DNMT1: variants seen among roughly 807,000 people sequenced by gnomAD.
The protein encoded by DNMT1 is DNA (cytosine-5)-methyltransferase 1.
Under a neutral mutation model 205.3 loss-of-function variants are expected in DNMT1, and 24 were observed. That is an observed-to-expected ratio of 0.12 (90% CI 0.08 to 0.16). The LOEUF (loss-of-function observed/expected upper bound fraction) is 0.16. DNMT1 is among the 10% of genes least tolerant of loss of function. DNMT1 has a pLI of 1.00. For synonymous variants in DNMT1, 817 were observed against 839.8 expected (o/e 0.97, Z 0.47); for missense variants, 1,293 against 2,177.7 (o/e 0.59, Z 8.09).
chr19:10,148,707 G>A (rs2038260906), intron 27 of DNMT1, among the ~76,000 whole-genome samples, 177 bp downstream of exon 27: 1 of 152,038 alleles, frequency 6.6e-6, no homozygotes, highest in Non-Finnish European at 1.5e-5. Context: ...CACACTTAAA[G>A]CAACTCCAGG....
rs1599347635 is a variant in DNMT1 at position 10,140,845 on chromosome 19, G to A, written c.3459C>T (p.Pro1153=). ...PSEPEIEIKL[P]KLRTLDVFSG... ...AAAACACATCCAGGGTCCGCAGCTT[G>A]GGCAGCTTGATCTCTATCTCTGGCT... The change falls in exon 32 of 41, where the codon CCC becomes CCT. Residue 1153 remains proline, a synonymous_variant. Coordinates refer to ENST00000359526, the MANE Select transcript of DNMT1 (RefSeq NM_001130823.3). This position sits in a 1 kb window ranked among gnomAD's most constrained non-coding sequence, Gnocchi z 8.4. 2 of 1,614,074 alleles carry A rather than the reference G, an allele frequency of 1.2e-6. No individual in the cohort carries two copies. Among genetic ancestry groups the A allele is most frequent in the Admixed American group, 1.7e-5 (1 of 60,004 alleles).
chr19:10,178,029 C>T (rs1488385580), intron 5 of DNMT1, among the ~76,000 whole-genome samples: 3 of 150,402 alleles, frequency 2.0e-5, no homozygotes, highest in Non-Finnish European at 4.4e-5. Flanking sequence ...GGAGGCAAGA[C>T]GGGCAGATCA....
At position 10,142,043 on chromosome 19, in the gene DNMT1, G is replaced by C. The variant is rs775786809; in HGVS notation, c.3294C>G (p.Arg1098=). The C allele has an allele frequency of 6.2e-7, 1 of 1,612,382 alleles. No homozygotes were observed. The highest frequency in any genetic ancestry group is 8.5e-7 in the Non-Finnish European group (1 of 1,178,768). ...GGGGCACCACCTCGAGGAAGTAGAA[G>C]CGGTTGGGGCCGCCCATGGAGTACA... is the stretch of plus-strand genomic sequence containing the variant. ...VQVYSMGGPN[R]FYFLEAYNAK... The change falls in exon 30 of 41, where the codon CGC becomes CGG. Residue 1098 remains arginine (R), a synonymous_variant. Transcript: ENST00000359526.
At chr19:10,182,842 T>G (rs1326690771) in intron 1 of DNMT1, among the ~76,000 whole-genome samples, 1 of 151,430 alleles carries the variant, frequency 6.6e-6, no homozygotes, top group Non-Finnish European at 1.5e-5. Context: ...TTTTTTGTAT[T>G]TTGAGTAGAG....
At chr19:10,148,116 C>CAAAAAAAAA (rs35310173) in intron 27 of DNMT1, among the ~76,000 whole-genome samples, 2 of 59,292 alleles carry the variant, frequency 3.4e-5, no homozygotes, top group Non-Finnish European at 6.2e-5. Context: ...AACTCTGTCT[C>CAAAAAAAAA]AAAAAAAAAA....
At chr19:10,193,722 C>T (rs1483060504) in intron 1 of DNMT1, among the ~76,000 whole-genome samples, 1 of 151,818 alleles carries the variant, frequency 6.6e-6, no homozygotes, top group African/African-American at 2.4e-5. Context: ...ATATCCATCC[C>T]TCCCCAAAGA....
chr19:10,168,241 G>A (rs1179909710), intron 10 of DNMT1, 89 bp downstream of exon 10: 1 of 1,503,774 alleles, frequency 6.6e-7, no homozygotes, highest in East Asian at 2.3e-5. Context: ...AGTGCCCACT[G>A]TTCCACACCA....
chr19:10,169,590 C>T (rs2038770551), intron 9 of DNMT1, among the ~76,000 whole-genome samples: 1 of 149,410 alleles, frequency 6.7e-6, no homozygotes, highest in Non-Finnish European at 1.5e-5. Flanking sequence ...TAAATAACCC[C>T]GTCTCTACTA....
intron 1 of DNMT1, among the ~76,000 whole-genome samples, chr19:10,192,486 G>A (rs1216701174): frequency 6.6e-6 from 1 of 152,022 alleles, no homozygotes; most frequent in African/African-American, 2.4e-5. Flanking sequence ...GGCAGGCTGG[G>A]CATGGTGGCT....
Position 10,138,635 on chromosome 19 carries a change from C to T in DNMT1, c.3949-30G>A, listed in dbSNP as rs368933609. 3.1e-6 allele frequency: 5 copies of T among 1,592,968 alleles called. No individual in the cohort carries two copies. The highest frequency in any genetic ancestry group is 1.3e-5 in the African/African-American group (1 of 74,758). ...GGGGGAGAAGGACGGACAACCCCACCGTCAGTGGGACACTCCCAACTGGAC... is the reference window on the plus strand; with the variant it reads ...GGGGGAGAAGGACGGACAACCCCACTGTCAGTGGGACACTCCCAACTGGAC... On this transcript the variant is annotated intron_variant, in intron 34 of 40. Coordinates refer to ENST00000359526, the MANE Select transcript of DNMT1 (RefSeq NM_001130823.3). This position sits in a 1 kb window ranked among gnomAD's most constrained non-coding sequence, Gnocchi z 4.1.
intron 1 of DNMT1, among the ~76,000 whole-genome samples, chr19:10,190,773 A>C (rs1039013358): frequency 3.2e-5 from 1 of 30,782 alleles, no homozygotes; most frequent in Non-Finnish European, 6.9e-5. Context: ...TCAAAAATAA[A>C]ATAAAATAAA....
intron 14 of DNMT1, 101 bp downstream of exon 14, chr19:10,160,283 A>G: frequency 4.4e-6 from 7 of 1,574,274 alleles, no homozygotes; most frequent in Non-Finnish European, 6.1e-6. Context: ...AAATGAGCCT[A>G]AGGTTGCTCT....
At chr19:10,190,663 G>A (rs970478931) in intron 1 of DNMT1, among the ~76,000 whole-genome samples, 1 of 151,748 alleles carries the variant, frequency 6.6e-6, no homozygotes, top group African/African-American at 2.4e-5. Context: ...TACTCAGGAG[G>A]CTAAGGCAGG....
At position 10,140,349 on chromosome 19, in the gene DNMT1, C is replaced by T. The variant is rs937494687; in HGVS notation, c.3524-21G>A. The T allele has an allele frequency of 6.2e-7, 1 of 1,613,034 alleles. No individual in the cohort carries two copies. On this transcript the variant is annotated intron_variant, in intron 32 of 40. Coordinates refer to ENST00000359526, the MANE Select transcript of DNMT1 (RefSeq NM_001130823.3). This position sits in a 1 kb window ranked among gnomAD's most constrained non-coding sequence, Gnocchi z 8.4. ...GATGCCTGGCAGATCAAGCACGAAG[C>T]CATGCTTTCAACTCTCCAGAAGATT... is the stretch of plus-strand genomic sequence containing the variant.
intron 25 of DNMT1, 34 bp from the exon 26 acceptor site, chr19:10,149,691 C>A (rs1470292366): frequency 6.2e-7 from 1 of 1,612,892 alleles, no homozygotes; most frequent in East Asian, 2.2e-5. Context: ...GGAGAAAGTT[C>A]TGACTTGGCC....
intron 13 of DNMT1, 71 bp from the exon 14 acceptor site, chr19:10,160,489 A>T: frequency 6.5e-7 from 1 of 1,540,648 alleles, no homozygotes; most frequent in Non-Finnish European, 9.0e-7. Flanking sequence ...CTTCGGTGTT[A>T]AGAACTTTGT....
At chr19:10,141,212 C>A in intron 30 of DNMT1, 23 bp from the exon 31 acceptor site, 2 of 1,612,276 alleles carry the variant, frequency 1.2e-6, no homozygotes, top group Non-Finnish European at 1.7e-6. Context: ...GAACTGCAAT[C>A]GTTTGGGAGA....
At chr19:10,136,790 ACT>A (rs1441719359) in intron 37 of DNMT1, among the ~76,000 whole-genome samples, 1 of 136,704 alleles carries the variant, frequency 7.3e-6, no homozygotes, top group Non-Finnish European at 1.6e-5. Context: ...ACAGGGTCTC[ACT>A]CTGTCTCCCA....
At position 10,151,688 on chromosome 19, in the gene DNMT1, C is replaced by T. The variant is rs2145299504; in HGVS notation, c.2117+62G>A. The T allele has an allele frequency of 1.2e-6, 2 of 1,609,178 alleles. No homozygotes were observed. Among genetic ancestry groups the T allele is most frequent in the Middle Eastern group, 3.3e-4 (2 of 6,048 alleles). On this transcript the variant is annotated intron_variant, in intron 23 of 40. Coordinates refer to ENST00000359526, the MANE Select transcript of DNMT1 (RefSeq NM_001130823.3). The surrounding 1 kb of genome is among the most constrained non-coding windows in gnomAD (Gnocchi z 5.0). ...TCCCACACATGCAGGCCCTTCTCCACAGTGCATCTGCCACCAGCTGGCAAG... is the reference window on the plus strand; with the variant it reads ...TCCCACACATGCAGGCCCTTCTCCATAGTGCATCTGCCACCAGCTGGCAAG...
Sources: allele counts gnomAD v4.1 joint callset (sites outside exome capture counted in the v4.1 genomes callset), GRCh38; gene constraint gnomAD v4.1.1; non-coding constraint Gnocchi (gnomAD v3.1); transcripts MANE v1.5; gene names NCBI Gene and HGNC (gene_info 2026-07-23, HGNC 2026-07-21).